Variants in ZNF536 observed in about 807,000 individuals in gnomAD.
ZNF536 encodes zinc finger protein 536.
In ZNF536, 13 loss-of-function variants were observed where a neutral mutation model predicts 84.5. That is an observed-to-expected ratio of 0.15 (90% CI 0.10 to 0.24). ZNF536 has a LOEUF of 0.24. Among genes scored for constraint, ZNF536 ranks in the 10% least tolerant of loss-of-function variants. The pLI, the probability that ZNF536 is intolerant of heterozygous loss-of-function variation, is 1.00. For missense variants in ZNF536, 1,536 were observed against 1,747.5 expected (o/e 0.88, Z 2.16); for synonymous variants, 811 against 742.5 (o/e 1.09, Z -1.50).
chr19:30,387,248 A>G (rs776017076), intron 1 of ZNF536, among the ~76,000 whole-genome samples: 14 of 152,200 alleles, frequency 9.2e-5, no homozygotes, highest in Non-Finnish European at 1.6e-4. Context: ...CTTAGCTGAT[A>G]CTTGCAAAGG....
intron 1 of ZNF536, among the ~76,000 whole-genome samples, chr19:30,702,594 A>G (rs985380694): frequency 6.6e-6 from 1 of 152,000 alleles, no homozygotes; most frequent in Non-Finnish European, 1.5e-5. Context: ...TCTCCCACGG[A>G]ACGAGGGCCA....
chr19:30,616,935 C>T (rs1469730725), intron 1 of ZNF536, among the ~76,000 whole-genome samples: 1 of 152,070 alleles, frequency 6.6e-6, no homozygotes, highest in African/African-American at 2.4e-5. Flanking sequence ...AAGCTACTTG[C>T]ACAAAATTAA....
chr19:30,683,656 A>G (rs1223104056), intron 1 of ZNF536, among the ~76,000 whole-genome samples: 1 of 152,156 alleles, frequency 6.6e-6, no homozygotes, highest in East Asian at 1.9e-4. Context: ...GGGGAATGAA[A>G]TTGCTCACTA....
chr19:30,668,903 C>T (rs1213872803), intron 1 of ZNF536, among the ~76,000 whole-genome samples: 1 of 152,140 alleles, frequency 6.6e-6, no homozygotes. Flanking sequence ...GATCCCATAC[C>T]CCAAATGCCC....
At chr19:30,405,604 C>G (rs1005057411) in intron 1 of ZNF536, among the ~76,000 whole-genome samples, 10 of 152,066 alleles carry the variant, frequency 6.6e-5, no homozygotes, top group Non-Finnish European at 1.5e-5. Context: ...CTGCACTTCT[C>G]CCTTGCCTCT....
At chr19:30,636,112 G>A (rs1296024265) in intron 1 of ZNF536, among the ~76,000 whole-genome samples, 1 of 152,168 alleles carries the variant, frequency 6.6e-6, no homozygotes, top group Admixed American at 6.5e-5. Flanking sequence ...TGCTTGGTGG[G>A]GCCCGGGTGT....
intron 2 of ZNF536, among the ~76,000 whole-genome samples, chr19:30,499,645 C>T (rs1224205124): frequency 6.6e-6 from 1 of 152,190 alleles, no homozygotes; most frequent in African/African-American, 2.4e-5. Context: ...CGTATTTACA[C>T]ATGAAGTGTC....
chr19:30,692,478 A>T (rs2147918566), intron 1 of ZNF536, among the ~76,000 whole-genome samples: 1 of 152,344 alleles, frequency 6.6e-6, no homozygotes, highest in South Asian at 2.1e-4. Flanking sequence ...CGAACACACC[A>T]GGGAGATTGT....
At chr19:30,621,710 G>A (rs746793258) in intron 1 of ZNF536, among the ~76,000 whole-genome samples, 11 of 152,208 alleles carry the variant, frequency 7.2e-5, no homozygotes, top group Admixed American at 2.0e-4. Flanking sequence ...GGTGGGAGCC[G>A]GTGTCCCACA....
chr19:30,498,997 G>A (rs990507458), intron 2 of ZNF536, among the ~76,000 whole-genome samples: 9 of 151,550 alleles, frequency 5.9e-5, no homozygotes, highest in African/African-American at 1.5e-4. Context: ...AAATAAGCCC[G>A]GCTATTTTCA....
downstream of ZNF536, among the ~76,000 whole-genome samples, chr19:30,561,394 A>T (rs2046159663): frequency 6.6e-6 from 1 of 152,134 alleles, no homozygotes; most frequent in African/African-American, 2.4e-5. Flanking sequence ...TCACACTAGG[A>T]TTAGCTCTTT....
chr19:30,422,587 G>A (rs2051008205), intron 1 of ZNF536, among the ~76,000 whole-genome samples: 1 of 152,128 alleles, frequency 6.6e-6, no homozygotes, highest in African/African-American at 2.4e-5. Context: ...TTCCTTTCTA[G>A]AGGAGACTTG....
chr19:30,380,759 C>A (rs1252233780), intron 1 of ZNF536, among the ~76,000 whole-genome samples: 1 of 152,198 alleles, frequency 6.6e-6, no homozygotes, highest in Non-Finnish European at 1.5e-5. Context: ...TTCCAGAAGA[C>A]TCAGGTCTGG....
intron 1 of ZNF536, among the ~76,000 whole-genome samples, chr19:30,674,668 G>T (rs1275574949): frequency 6.6e-6 from 1 of 152,210 alleles, no homozygotes; most frequent in Non-Finnish European, 1.5e-5. Flanking sequence ...TGCCCATCGT[G>T]GGTGGAGGCC....
intron 1 of ZNF536, among the ~76,000 whole-genome samples, chr19:30,604,804 G>T (rs535880532): frequency 1.3e-5 from 2 of 152,262 alleles, no homozygotes; most frequent in South Asian, 4.2e-4. Flanking sequence ...GCGAGTGACT[G>T]GCCTGAGGTT....
intron 3 of ZNF536, among the ~76,000 whole-genome samples, chr19:30,355,788 T>C (rs1322996453): frequency 6.6e-6 from 1 of 152,148 alleles, no homozygotes; most frequent in African/African-American, 2.4e-5. Flanking sequence ...CCAGGCCCTA[T>C]TGTGAACTGC....
Position 30,465,607 on chromosome 19 carries a change from C to G in ZNF536, c.2170+19875C>G, listed in dbSNP as rs117394973. Among the ~76,000 whole-genome samples, 64 of 152,260 alleles carry G rather than the reference C, an allele frequency of 4.2e-4. No homozygotes were observed. In the East Asian group the frequency reaches 0.012, roughly 29 times the overall value. On this transcript the variant is annotated intron_variant, in intron 2 of 4. Coordinates refer to ENST00000355537, the MANE Select transcript of ZNF536 (RefSeq NM_014717.3). Reference sequence around the variant, plus strand: ...AAAATGTGTGGTAAAATACACGTAACAGGTTGGGTGTGGTGGCTTAGGCCT... The same window carrying G: ...AAAATGTGTGGTAAAATACACGTAAGAGGTTGGGTGTGGTGGCTTAGGCCT...
intron 1 of ZNF536, among the ~76,000 whole-genome samples, chr19:30,235,209 T>C (rs1043722067): frequency 1.3e-5 from 2 of 152,156 alleles, no homozygotes; most frequent in East Asian, 3.9e-4. Flanking sequence ...GCTTCCGCAG[T>C]GGGCAAACTG....
chr19:30,395,665 A>T (rs1475044051), intron 1 of ZNF536, among the ~76,000 whole-genome samples: 1 of 152,116 alleles, frequency 6.6e-6, no homozygotes, highest in Non-Finnish European at 1.5e-5. Context: ...ATAGCTGTGT[A>T]CCTCTTCATG....
Sources: allele counts gnomAD v4.1 joint callset (sites outside exome capture counted in the v4.1 genomes callset), GRCh38; gene constraint gnomAD v4.1.1; transcripts MANE v1.5; gene names NCBI Gene and HGNC (gene_info 2026-07-23, HGNC 2026-07-21).